CALN1: variants seen among roughly 807,000 people sequenced by gnomAD.
CALN1 encodes the protein calcium-binding protein 8.
CALN1 carries 17 observed loss-of-function variants against 30.6 expected under a neutral mutation model. The observed-to-expected ratio is 0.56, with a 90% CI of 0.38 to 0.83. The LOEUF (loss-of-function observed/expected upper bound fraction) is 0.83. Among genes scored for constraint, CALN1 ranks in the 40% least tolerant of loss-of-function variants. CALN1 has a pLI of 0.00. For missense variants in CALN1, 291 were observed against 354.9 expected (o/e 0.82, Z 1.45); for synonymous variants, 156 against 131.4 (o/e 1.19, Z -1.28).
chr7:72,187,924 C>T (rs111965757), intron 3 of CALN1, among the ~76,000 whole-genome samples: 5,023 of 146,130 alleles, frequency 0.034, 266 homozygotes, highest in African/African-American at 0.12. Flanking sequence ...CAATGTAATA[C>T]CACCTTACTC....
chr7:72,044,170 T>A (rs974002121), intron 4 of CALN1, among the ~76,000 whole-genome samples: 6 of 152,228 alleles, frequency 3.9e-5, no homozygotes, highest in Middle Eastern at 3.4e-3. Context: ...TTGCACTTCC[T>A]AGTGCTGCTA....
the CALN1 span, among the ~76,000 whole-genome samples, chr7:72,461,865 C>A: frequency 6.6e-6 from 1 of 152,026 alleles, no homozygotes; most frequent in Non-Finnish European, 1.5e-5. Flanking sequence ...AAAATTAGCC[C>A]AGCATGGTTG....
In CALN1 at chr7:72,388,248, T is replaced by C. The variant is rs188506699; in HGVS notation, c.119+15003A>G. Among the ~76,000 whole-genome samples the C allele has an allele frequency of 1.4e-4, 21 of 152,256 alleles. No individual in the cohort carries two copies. In the East Asian group the frequency reaches 4.1e-3, roughly 29 times the overall value. On this transcript the variant is annotated intron_variant, in intron 2 of 6. Transcript: ENST00000395275. ...CCATAAATATGAGTTATTGTATCCA[T>C]TAAAAAATAAAATACAATTTTTTAA...
At chr7:72,424,928 G>GACTC (rs1034818334) in intron 1 of CALN1, among the ~76,000 whole-genome samples, 3 of 151,954 alleles carry the variant, frequency 2.0e-5, no homozygotes, top group African/African-American at 4.8e-5. Flanking sequence ...AGATTCACAG[G>GACTC]ACTCACTCAA....
rs183307482 is a variant in CALN1 at position 72,034,824 on chromosome 7, C to T, written c.389-11055G>A. Among the ~76,000 whole-genome samples, 15 of 144,406 alleles carry T rather than the reference C, an allele frequency of 1.0e-4. No homozygotes were observed. In the East Asian group the frequency reaches 2.2e-3, roughly 22 times the overall value. The allele number at this position is 144,406 out of a possible 152,430, so 94.7% of individuals were successfully genotyped here. ...AAAAAAAAAAAAAAAAAAAAAGTCT[C>T]CAGGATCTATAGGAAGATCCCTAAG... On this transcript the variant is annotated intron_variant, in intron 4 of 6. Coordinates refer to ENST00000395275, the MANE Select transcript of CALN1 (RefSeq NM_031468.4).
At chr7:71,980,442 G>A (rs2129527132) in intron 5 of CALN1, among the ~76,000 whole-genome samples, 1 of 151,948 alleles carries the variant, frequency 6.6e-6, no homozygotes, top group African/African-American at 2.4e-5. Flanking sequence ...CTGTCTCTCG[G>A]ACTCCCACAA....
chr7:72,309,862 C>G (rs1051863823), intron 2 of CALN1, among the ~76,000 whole-genome samples: 4 of 152,174 alleles, frequency 2.6e-5, no homozygotes, highest in African/African-American at 9.7e-5. Context: ...GACTTTGAAT[C>G]AGAAACTTAA....
intron 5 of CALN1, among the ~76,000 whole-genome samples, chr7:71,930,946 G>A (rs1795518593): frequency 6.6e-6 from 1 of 152,094 alleles, no homozygotes; most frequent in Non-Finnish European, 1.5e-5. Flanking sequence ...TTATAACACC[G>A]TACATGTTTC....
At chr7:72,377,436 C>CAT in intron 2 of CALN1, among the ~76,000 whole-genome samples, 1 of 142,434 alleles carries the variant, frequency 7.0e-6, no homozygotes, top group Non-Finnish European at 1.5e-5. Flanking sequence ...GCCACACTTT[C>CAT]GTGTGTGTGT....
intron 3 of CALN1, among the ~76,000 whole-genome samples, chr7:72,209,870 G>A (rs1792268667): frequency 6.6e-6 from 1 of 152,086 alleles, no homozygotes; most frequent in Admixed American, 6.6e-5. Context: ...CCTAGGGGCT[G>A]GTTATCCCAC....
At chr7:72,007,139 A>G (rs1409064179) in intron 5 of CALN1, among the ~76,000 whole-genome samples, 2 of 152,194 alleles carry the variant, frequency 1.3e-5, no homozygotes, top group Non-Finnish European at 2.9e-5. Flanking sequence ...CGGAATAAAG[A>G]CGACATTTCC....
intron 2 of CALN1, among the ~76,000 whole-genome samples, chr7:72,396,638 A>C (rs2129561732): frequency 6.6e-6 from 1 of 152,226 alleles, no homozygotes. Context: ...TAATGGGCAG[A>C]GAGGGGCAAA....
chr7:72,371,266 G>T (rs1457617558), intron 2 of CALN1, among the ~76,000 whole-genome samples: 1 of 152,118 alleles, frequency 6.6e-6, no homozygotes, highest in African/African-American at 2.4e-5. Flanking sequence ...GAGATCTAAG[G>T]ATTGAAGTAT....
At chr7:72,194,696 A>G (rs1415119081) in intron 3 of CALN1, among the ~76,000 whole-genome samples, 1 of 145,822 alleles carries the variant, frequency 6.9e-6, no homozygotes, top group Non-Finnish European at 1.5e-5. Flanking sequence ...GGTTCAAGCG[A>G]TTCTCCTGCC....
intron 5 of CALN1, among the ~76,000 whole-genome samples, chr7:71,905,392 T>TC (rs1418009238): frequency 1.3e-5 from 2 of 151,876 alleles, no homozygotes; most frequent in African/African-American, 4.8e-5. Context: ...GTTTTTTTTT[T>TC]TTTTATCTCT....
At chr7:71,862,370 A>G (rs190629420) in intron 5 of CALN1, among the ~76,000 whole-genome samples, 21 of 152,318 alleles carry the variant, frequency 1.4e-4, no homozygotes, top group Non-Finnish European at 5.9e-5. Context: ...AGGTAACTGA[A>G]TCATGGAGGC....
At chr7:72,152,871 G>C (rs574660805) in intron 3 of CALN1, among the ~76,000 whole-genome samples, 4 of 152,146 alleles carry the variant, frequency 2.6e-5, no homozygotes, top group Non-Finnish European at 5.9e-5. Context: ...CTCCATGGGG[G>C]AGAAGAATAA....
intron 3 of CALN1, among the ~76,000 whole-genome samples, chr7:72,166,851 T>C (rs1788559009): frequency 6.6e-6 from 1 of 152,102 alleles, no homozygotes; most frequent in Admixed American, 6.6e-5. Flanking sequence ...AAGACCAGCT[T>C]GGGCAACATG....
chr7:72,301,285 G>C (rs1322950333), intron 2 of CALN1, among the ~76,000 whole-genome samples: 1 of 151,864 alleles, frequency 6.6e-6, no homozygotes, highest in Admixed American at 6.6e-5. Flanking sequence ...CAGCTTGCTG[G>C]GTTTCCCACC....
Sources: allele counts gnomAD v4.1 joint callset (sites outside exome capture counted in the v4.1 genomes callset), GRCh38; gene constraint gnomAD v4.1.1; transcripts MANE v1.5; gene names NCBI Gene and HGNC (gene_info 2026-07-23, HGNC 2026-07-21).